Variants in ADD3 observed in about 807,000 individuals in gnomAD.
ADD3 encodes adducin 3.
Under a neutral mutation model 80.2 loss-of-function variants are expected in ADD3, and 25 were observed. That is an observed-to-expected ratio of 0.31 (90% confidence interval 0.23 to 0.44). The LOEUF (loss-of-function observed/expected upper bound fraction) is 0.44. Ranked by LOEUF, ADD3 falls within the 20% of genes least tolerant of loss-of-function variation. ADD3 has a pLI of 1.00. For missense variants in ADD3, 829 were observed against 847.5 expected, an observed-to-expected ratio of 0.98 and a Z score of 0.27; for synonymous variants, 284 against 289.6, an observed-to-expected ratio of 0.98 and a Z score of 0.20.
At chr10:109,999,176 G>A (rs1005549329) in intron 1 of ADD3, among the ~76,000 whole-genome samples, 1 of 152,110 alleles carries the variant, frequency 6.6e-6, no homozygotes, top group Non-Finnish European at 1.5e-5. Context: ...TGGGGACTAC[G>A]TACATTCTAA....
chr10:110,050,525 T>C (rs1165656480), intron 1 of ADD3, among the ~76,000 whole-genome samples: 2 of 142,968 alleles, frequency 1.4e-5, no homozygotes, highest in Non-Finnish European at 3.0e-5. Flanking sequence ...TTTTTTTTTT[T>C]TTCCTGAAGC....
At chr10:110,010,384 G>A (rs1272588565) in intron 1 of ADD3, among the ~76,000 whole-genome samples, 1 of 152,206 alleles carries the variant, frequency 6.6e-6, no homozygotes, top group Non-Finnish European at 1.5e-5. Flanking sequence ...GTGTTTGAGG[G>A]AAGAAATCAC....
In ADD3 at chr10:110,133,762, A is replaced by T. The variant is rs1389769037; in HGVS notation, c.*144A>T. 1.6e-6 allele frequency: 1 copy of T among 639,142 alleles called. No individual in the cohort carries two copies. The highest frequency in any genetic ancestry group is 3.7e-5 in the Admixed American group (1 of 26,882). 39.6% of individuals were successfully genotyped at this position (639,142 alleles called of 1,614,324 possible). A position where few individuals can be genotyped will look rare whatever the true frequency, so the allele number is the denominator to read the frequency against. ...TTTAAGAACTGGAAAGAGGTTTTACAAAAGAAAAACTTTCAGATTCATCTC... is the reference window on the plus strand; with the variant it reads ...TTTAAGAACTGGAAAGAGGTTTTACTAAAGAAAAACTTTCAGATTCATCTC... On this transcript the variant is annotated 3_prime_UTR_variant, in exon 15 of 15. Transcript: ENST00000356080.
intron 1 of ADD3, among the ~76,000 whole-genome samples, chr10:110,083,139 C>A (rs1279828704): frequency 6.6e-6 from 1 of 152,154 alleles, no homozygotes; most frequent in Non-Finnish European, 1.5e-5. Context: ...AAAGGCAATA[C>A]AGACTATGAC....
At chr10:110,085,680 C>CT (rs760186079) in intron 1 of ADD3, among the ~76,000 whole-genome samples, 1 of 152,188 alleles carries the variant, frequency 6.6e-6, no homozygotes, top group Non-Finnish European at 1.5e-5. Flanking sequence ...GGGTCTAAGA[C>CT]TGAGACGTGG....
Position 110,038,711 on chromosome 10 carries a change from C to T in ADD3, c.-30+30412C>T, listed in dbSNP as rs184101394. The stretch of plus-strand genomic sequence containing the variant: ...CTCGATAATTCTCCAAAGAATTTAC[C>T]TACAGAGTCCAAATGTGAAAAGTTA... On this transcript the variant is annotated intron_variant, in intron 1 of 14. Transcript: ENST00000356080. Among the ~76,000 whole-genome samples the T allele has an allele frequency of 3.0e-3, 455 of 152,164 alleles. 3 individuals are homozygous for T. The highest frequency in any genetic ancestry group is 0.01 in the African/African-American group (431 of 41,490).
chr10:110,124,008 C>A lies in ADD3; in HGVS notation c.1144-9C>A. On this transcript the variant is annotated splice_polypyrimidine_tract_variant and intron_variant, in intron 9 of 14. Transcript: ENST00000356080. ...TTGATGCTTCAAATGTGGCTTTTCC[C>A]TCCCTTAGGGGTATAGAACAGGCTA... 6.2e-7 allele frequency: 1 copy of A among 1,609,154 alleles called. No individual in the cohort carries two copies. The highest frequency in any genetic ancestry group is 1.1e-5 in the South Asian group (1 of 90,954).
chr10:110,002,461 AGACGGG>A (rs1851505616), upstream of ADD3, among the ~76,000 whole-genome samples: 1 of 151,962 alleles, frequency 6.6e-6, no homozygotes, highest in Non-Finnish European at 1.5e-5. Context: ...TTTTTAGTAG[AGACGGG>A]GTTTCATGGT....
In ADD3 at chr10:110,116,425, T is replaced by C. The variant is rs1342376251; in HGVS notation, c.486+15T>C. On this transcript the variant is annotated intron_variant, in intron 4 of 14. Transcript: ENST00000356080. ...CCTATATCTCAGTGAGTTCTTCAGC[T>C]TTCAATTCCTTTTTTAAAAAATTCC... The C allele has an allele frequency of 6.2e-7, 1 of 1,611,242 alleles. No individual in the cohort carries two copies. Among genetic ancestry groups the C allele is most frequent in the Non-Finnish European group, 8.5e-7 (1 of 1,178,984 alleles).
chr10:110,129,341 G>GT (rs1852634242), intron 12 of ADD3, among the ~76,000 whole-genome samples: 1 of 151,990 alleles, frequency 6.6e-6, no homozygotes, highest in South Asian at 2.1e-4. Context: ...TAGAGGCAGG[G>GT]TTTCTCCATG....
intron 9 of ADD3, 42 bp downstream of exon 9, chr10:110,122,334 C>A: frequency 6.4e-7 from 1 of 1,569,222 alleles, no homozygotes; most frequent in South Asian, 1.2e-5. Context: ...TTAATGTCTT[C>A]AGATTCAAGA....
At chr10:110,071,184 G>A (rs1844660147) in intron 1 of ADD3, among the ~76,000 whole-genome samples, 2 of 152,134 alleles carry the variant, frequency 1.3e-5, no homozygotes, top group African/African-American at 2.4e-5. Flanking sequence ...CAAGTAAAAT[G>A]ATGTCTCATA....
intron 1 of ADD3, among the ~76,000 whole-genome samples, chr10:109,999,842 C>G (rs1851450854): frequency 6.6e-6 from 1 of 151,250 alleles, no homozygotes; most frequent in Admixed American, 6.6e-5. Flanking sequence ...TGAAATAATT[C>G]TGCAATCTAG....
chr10:110,077,613 A>G (rs1051458950), intron 1 of ADD3, among the ~76,000 whole-genome samples: 1 of 152,040 alleles, frequency 6.6e-6, no homozygotes, highest in Non-Finnish European at 1.5e-5. Flanking sequence ...GCTGTTGGGT[A>G]TTTGTCAGAA....
At chr10:110,100,223 G>T (rs775855017) in intron 1 of ADD3, among the ~76,000 whole-genome samples, 6 of 151,912 alleles carry the variant, frequency 3.9e-5, no homozygotes, top group Admixed American at 3.9e-4. Flanking sequence ...GGTGGCACGC[G>T]CCTGTAGTCC....
At chr10:110,068,066 A>G (rs934373412) in intron 1 of ADD3, among the ~76,000 whole-genome samples, 1 of 151,740 alleles carries the variant, frequency 6.6e-6, no homozygotes, top group Non-Finnish European at 1.5e-5. Context: ...TCAGTGTTCC[A>G]CCCCCTTGAA....
chr10:110,032,915 T>C (rs185777108), intron 1 of ADD3, among the ~76,000 whole-genome samples: 2 of 152,324 alleles, frequency 1.3e-5, no homozygotes, highest in Admixed American at 1.3e-4. Flanking sequence ...CACATTATGA[T>C]TAAGAGAAGT....
At chr10:110,008,532 G>A (rs1333545205) in intron 1 of ADD3, among the ~76,000 whole-genome samples, 2 of 152,196 alleles carry the variant, frequency 1.3e-5, no homozygotes, top group Admixed American at 1.3e-4. Context: ...CGTACCTGCG[G>A]GGGAGGGTCC....
At chr10:110,040,371 A>G (rs377569358) in intron 1 of ADD3, among the ~76,000 whole-genome samples, 17 of 152,198 alleles carry the variant, frequency 1.1e-4, no homozygotes, top group African/African-American at 4.1e-4. Flanking sequence ...CTTACCTGAA[A>G]CATGATTGAA....
Sources: gnomAD v4.1 joint callset for allele counts (sites outside exome capture counted in the v4.1 genomes callset) on GRCh38, gnomAD v4.1.1 for gene constraint, MANE v1.5 for transcripts, NCBI Gene and HGNC (gene_info 2026-07-23, HGNC 2026-07-21) for gene names.